The following DENND1A variants were observed in gnomAD, a reference collection of about 807,000 sequenced individuals.
The protein encoded by DENND1A is DENN domain containing 1A, also known as DENN domain-containing protein 1A.
In DENND1A, 51 loss-of-function variants were observed where a neutral mutation model predicts 113.7. The observed-to-expected ratio is 0.45, with a 90% CI of 0.36 to 0.57. The LOEUF (loss-of-function observed/expected upper bound fraction) is 0.57. Among genes scored for constraint, DENND1A ranks in the 20% least tolerant of loss-of-function variants. The pLI, the probability that DENND1A is intolerant of heterozygous loss-of-function variation, is 0.00. For synonymous variants in DENND1A, 565 were observed against 570.8 expected (o/e 0.99, Z 0.14); for missense variants, 1,258 against 1,395.9 (o/e 0.90, Z 1.57).
At chr9:123,869,436 T>C (rs888625776) in intron 2 of DENND1A, among the ~76,000 whole-genome samples, 14 of 152,206 alleles carry the variant, frequency 9.2e-5, no homozygotes, top group Admixed American at 5.9e-4. Flanking sequence ...ATAATCATTA[T>C]TACAGCAATC....
At chr9:123,710,534 A>C (rs1313710903) in intron 5 of DENND1A, among the ~76,000 whole-genome samples, 1 of 116,694 alleles carries the variant, frequency 8.6e-6, no homozygotes, top group Non-Finnish European at 1.9e-5. Flanking sequence ...AGCCTCATTA[A>C]ACACACACAC....
intron 2 of DENND1A, among the ~76,000 whole-genome samples, chr9:123,804,064 G>T (rs552303927): frequency 2.6e-5 from 4 of 152,156 alleles, no homozygotes; most frequent in Non-Finnish European, 4.4e-5. Flanking sequence ...TGTAACTCCC[G>T]CAATTCCCAC....
rs1365320836 is a variant in DENND1A, at chr9:123,460,626, C to A, written c.994-2729G>T. 2.0e-5 allele frequency among the ~76,000 whole-genome samples: 3 copies of A among 152,354 alleles called. No individual in the cohort carries two copies. The East Asian group carries it at 5.8e-4, about 29-fold the overall frequency. On this transcript the variant is annotated intron_variant, in intron 13 of 23. Coordinates refer to ENST00000394215, the MANE Select transcript of DENND1A (RefSeq NM_001352964.2). Reference sequence around the variant, plus strand: ...GACCTATCAGACTTTCTAACTCCTTCCTATTTTACCTGTGAATTGTCTCAC... The same window carrying A: ...GACCTATCAGACTTTCTAACTCCTTACTATTTTACCTGTGAATTGTCTCAC...
intron 19 of DENND1A, among the ~76,000 whole-genome samples, chr9:123,417,193 T>C (rs1338860754): frequency 6.6e-6 from 1 of 152,226 alleles, no homozygotes; most frequent in East Asian, 1.9e-4. Context: ...TTTGATATCC[T>C]GAAGATGAAA....
chr9:123,925,155 C>T (rs941639778), intron 1 of DENND1A, among the ~76,000 whole-genome samples: 2 of 152,132 alleles, frequency 1.3e-5, no homozygotes, highest in African/African-American at 4.8e-5. Context: ...TATTCACCAT[C>T]GTAATTCCCA....
At chr9:123,542,378 T>A (rs1468276692) in intron 13 of DENND1A, among the ~76,000 whole-genome samples, 2 of 152,190 alleles carry the variant, frequency 1.3e-5, no homozygotes, top group Admixed American at 6.5e-5. Context: ...CAGGTTAGCA[T>A]CAAGTCTAAC....
chr9:123,511,582 C>G (rs2053466516), intron 13 of DENND1A, among the ~76,000 whole-genome samples: 3 of 152,208 alleles, frequency 2.0e-5, no homozygotes, highest in Admixed American at 2.0e-4. Flanking sequence ...AGCAGCAGCA[C>G]AAGGCCTGGC....
intron 22 of DENND1A, among the ~76,000 whole-genome samples, chr9:123,387,035 C>T (rs995194005): frequency 6.6e-6 from 1 of 152,248 alleles, no homozygotes; most frequent in Non-Finnish European, 1.5e-5. Flanking sequence ...TAAAGGCTCC[C>T]ATTAAAAACA....
intron 6 of DENND1A, among the ~76,000 whole-genome samples, chr9:123,673,463 T>C (rs1053343360): frequency 6.6e-6 from 1 of 152,232 alleles, no homozygotes; most frequent in Admixed American, 6.5e-5. Flanking sequence ...TCCTTACTTT[T>C]TGGCAGAAAA....
intron 23 of DENND1A, among the ~76,000 whole-genome samples, 191 bp downstream of exon 23, chr9:123,383,464 G>A (rs745718380): frequency 2.0e-5 from 3 of 152,144 alleles, no homozygotes; most frequent in East Asian, 1.9e-4. Context: ...TTCTCCTACC[G>A]TCACTGTTAG....
intron 18 of DENND1A, among the ~76,000 whole-genome samples, chr9:123,449,529 G>A (rs1363167475): frequency 2.2e-5 from 3 of 137,234 alleles, no homozygotes; most frequent in South Asian, 2.3e-4. Flanking sequence ...GTGAGACTCC[G>A]TCTCAAAAAA....
At chr9:123,465,953 A>G (rs1296538636) in intron 13 of DENND1A, among the ~76,000 whole-genome samples, 3 of 152,182 alleles carry the variant, frequency 2.0e-5, no homozygotes, top group Admixed American at 2.0e-4. Flanking sequence ...CTCATCAGAC[A>G]GTGGAAACAC....
intron 2 of DENND1A, among the ~76,000 whole-genome samples, chr9:123,878,189 G>A (rs970858623): frequency 2.1e-4 from 31 of 145,314 alleles, no homozygotes; most frequent in Admixed American, 2.0e-4. Context: ...GGCAACAAGA[G>A]CAAAACTCCA....
chr9:123,637,919 A>ACACACACG (rs2061792017), intron 9 of DENND1A, among the ~76,000 whole-genome samples: 2 of 104,672 alleles, frequency 1.9e-5, no homozygotes, highest in African/African-American at 8.1e-5. Flanking sequence ...AAACACACAC[A>ACACACACG]CACACACACA....
chr9:123,715,740 T>C (rs1471880744), intron 5 of DENND1A, among the ~76,000 whole-genome samples: 1 of 152,154 alleles, frequency 6.6e-6, no homozygotes. Flanking sequence ...GCATGGAGTG[T>C]GGTGGTACAA....
At chr9:123,761,365 G>C (rs1169971380) in intron 4 of DENND1A, among the ~76,000 whole-genome samples, 5 of 152,176 alleles carry the variant, frequency 3.3e-5, no homozygotes, top group African/African-American at 1.2e-4. Context: ...TCCAGAGTAG[G>C]AACAATTAAA....
At chr9:123,889,251 G>A (rs954983051) in intron 1 of DENND1A, among the ~76,000 whole-genome samples, 1 of 151,948 alleles carries the variant, frequency 6.6e-6, no homozygotes, top group Admixed American at 6.6e-5. Context: ...TTAACCTTTC[G>A]GCTTCCTCCT....
intron 2 of DENND1A, among the ~76,000 whole-genome samples, chr9:123,821,850 C>T (rs1838531398): frequency 6.6e-6 from 1 of 152,210 alleles, no homozygotes; most frequent in Non-Finnish European, 1.5e-5. Context: ...GGCTCCAGCC[C>T]TCCCCTTGTT....
chr9:123,383,256 T>A (rs1215831245), intron 23 of DENND1A, among the ~76,000 whole-genome samples: 1 of 152,202 alleles, frequency 6.6e-6, no homozygotes, highest in African/African-American at 2.4e-5. Context: ...AATTACACAC[T>A]GATTTGCATT....
Sources: gnomAD v4.1 joint callset for allele counts (sites outside exome capture counted in the v4.1 genomes callset) on GRCh38, gnomAD v4.1.1 for gene constraint, MANE v1.5 for transcripts, NCBI Gene and HGNC (gene_info 2026-07-23, HGNC 2026-07-21) for gene names.